Variants in ZRANB1 observed in about 807,000 individuals in gnomAD.
ZRANB1 encodes ubiquitin thioesterase ZRANB1.
Under a neutral mutation model 80.5 loss-of-function variants are expected in ZRANB1, and 16 were observed. The observed-to-expected ratio is 0.20, with a 90% CI of 0.13 to 0.30. The LOEUF is 0.30. Among genes scored for constraint, ZRANB1 ranks in the 10% least tolerant of loss-of-function variants. The pLI is 1.00. For synonymous variants in ZRANB1, 291 were observed against 293.1 expected (o/e 0.99, Z 0.07); for missense variants, 576 against 862.6 (o/e 0.67, Z 4.16).
intron 5 of ZRANB1, among the ~76,000 whole-genome samples, chr10:124,977,711 GAAAAAAAA>G (rs752296814): frequency 2.5e-4 from 12 of 48,726 alleles, no homozygotes; most frequent in Non-Finnish European, 3.3e-4. Flanking sequence ...ACCCTGCTAA[GAAAAAAAA>G]AAAAAAAAAA....
chr10:124,976,010 G>C (rs566347150), intron 5 of ZRANB1, among the ~76,000 whole-genome samples: 1 of 152,150 alleles, frequency 6.6e-6, no homozygotes, highest in Non-Finnish European at 1.5e-5. Flanking sequence ...CTTGTGGGGA[G>C]CGGAGGGGGA....
At chr10:124,924,297 TA>T in the ZRANB1 span, among the ~76,000 whole-genome samples, 1,759 of 136,758 alleles carry the variant, frequency 0.013, 12 homozygotes, top group Admixed American at 0.018. Context: ...CAGTTTTTTC[TA>T]AAAAAAAAAA....
intron 2 of ZRANB1, among the ~76,000 whole-genome samples, chr10:124,968,856 C>G (rs1951797684): frequency 6.6e-6 from 1 of 152,182 alleles, no homozygotes; most frequent in Non-Finnish European, 1.5e-5. Flanking sequence ...ATATTTATTG[C>G]AGTATCACAG....
At chr10:124,974,755 A>G (rs531954913) in intron 5 of ZRANB1, among the ~76,000 whole-genome samples, 1 of 152,338 alleles carries the variant, frequency 6.6e-6, no homozygotes, top group African/African-American at 2.4e-5. Context: ...TTAAATATTG[A>G]TAAGGCCGTT....
At chr10:124,932,919 G>A in the ZRANB1 span, among the ~76,000 whole-genome samples, 2 of 151,952 alleles carry the variant, frequency 1.3e-5, no homozygotes, top group African/African-American at 2.4e-5. Flanking sequence ...TATATTCTTC[G>A]GTGAGGTGTC....
the ZRANB1 span, among the ~76,000 whole-genome samples, chr10:124,922,319 A>AATATAT: frequency 1.3e-3 from 22 of 17,386 alleles, 1 homozygote; most frequent in Admixed American, 3.2e-3. Context: ...ATATATGTAA[A>AATATAT]ATATATGTAT....
chr10:124,946,993 A>C (rs528634739), intron 1 of ZRANB1, among the ~76,000 whole-genome samples: 9 of 152,210 alleles, frequency 5.9e-5, no homozygotes, highest in Non-Finnish European at 1.3e-4. Context: ...AAGTTGGAAA[A>C]AAATTGCAAC....
chr10:124,938,086 T>C (rs1951503403), upstream of ZRANB1, among the ~76,000 whole-genome samples: 1 of 152,236 alleles, frequency 6.6e-6, no homozygotes, highest in Non-Finnish European at 1.5e-5. Context: ...ATGAATATAT[T>C]TAATACTTAA....
At chr10:124,980,335 T>C (rs533301464) in intron 5 of ZRANB1, among the ~76,000 whole-genome samples, 39 of 152,360 alleles carry the variant, frequency 2.6e-4, no homozygotes, top group Admixed American at 1.2e-3. Context: ...TTTTAAAGTA[T>C]ATTTCATTGA....
chr10:124,920,358 T>C, the ZRANB1 span, among the ~76,000 whole-genome samples: 1 of 152,240 alleles, frequency 6.6e-6, no homozygotes, highest in Non-Finnish European at 1.5e-5. Context: ...TGTGCTCCAC[T>C]TATGCCTTAT....
At chr10:124,924,592 G>T in the ZRANB1 span, among the ~76,000 whole-genome samples, 1 of 152,238 alleles carries the variant, frequency 6.6e-6, no homozygotes, top group African/African-American at 2.4e-5. Context: ...CGTTTATGTG[G>T]CTTTTTTCTC....
the ZRANB1 span, among the ~76,000 whole-genome samples, chr10:124,927,861 A>C: frequency 6.6e-6 from 1 of 152,018 alleles, no homozygotes; most frequent in African/African-American, 2.4e-5. Context: ...ACATGGCGAA[A>C]CCCCATCTCT....
At chr10:124,947,007 A>T (rs1485673283) in intron 1 of ZRANB1, among the ~76,000 whole-genome samples, 1 of 152,226 alleles carries the variant, frequency 6.6e-6, no homozygotes, top group Admixed American at 6.5e-5. Flanking sequence ...TTGCAACCTC[A>T]GGTCAGCTTT....
the ZRANB1 span, among the ~76,000 whole-genome samples, chr10:124,936,078 G>T: frequency 6.6e-6 from 1 of 152,150 alleles, no homozygotes; most frequent in Admixed American, 6.6e-5. Flanking sequence ...GGTGTCTATT[G>T]TGCTTCTGTA....
chr10:124,966,214 C>T (rs1951774344), intron 1 of ZRANB1, among the ~76,000 whole-genome samples: 1 of 152,090 alleles, frequency 6.6e-6, no homozygotes, highest in African/African-American at 2.4e-5. Context: ...ACATCCCTGT[C>T]TCCTTGGTTT....
At chr10:124,976,665 G>T (rs1182855858) in intron 5 of ZRANB1, among the ~76,000 whole-genome samples, 4 of 139,758 alleles carry the variant, frequency 2.9e-5, no homozygotes, top group African/African-American at 1.1e-4. Context: ...TCTGCCTCCC[G>T]GGTTCAAGCA....
intron 1 of ZRANB1, among the ~76,000 whole-genome samples, chr10:124,965,958 G>A (rs550093890): frequency 2.6e-5 from 4 of 152,194 alleles, no homozygotes; most frequent in African/African-American, 9.6e-5. Context: ...TTATTTTAGC[G>A]TATTTTATAT....
chr10:124,924,695 G>C, the ZRANB1 span, among the ~76,000 whole-genome samples: 3 of 152,102 alleles, frequency 2.0e-5, no homozygotes, highest in African/African-American at 4.8e-5. Context: ...ACAGCATTTT[G>C]TTTATCCATT....
chr10:124,922,514 A>G, the ZRANB1 span, among the ~76,000 whole-genome samples: 1 of 141,570 alleles, frequency 7.1e-6, no homozygotes, highest in Non-Finnish European at 1.5e-5. Flanking sequence ...TTTTTTTAAG[A>G]TGGAGTCTCT....
Sources: gnomAD v4.1 joint callset for allele counts (sites outside exome capture counted in the v4.1 genomes callset) on GRCh38, gnomAD v4.1.1 for gene constraint, MANE v1.5 for transcripts, NCBI Gene and HGNC (gene_info 2026-07-23, HGNC 2026-07-21) for gene names.